Variants in CTNNA3 observed in about 807,000 individuals in gnomAD.
CTNNA3 encodes catenin alpha-3.
In CTNNA3, 76 loss-of-function variants were observed where a neutral mutation model predicts 95.7. The ratio of observed to expected loss-of-function variants is 0.79; its 90% CI spans 0.66 to 0.96. CTNNA3 has a LOEUF of 0.96. Ranked by LOEUF, CTNNA3 falls within the 40% of genes least tolerant of loss-of-function variation. The pLI, the probability that CTNNA3 is intolerant of heterozygous loss-of-function variation, is 0.00. For synonymous variants in CTNNA3, 431 were observed against 374.4 expected (o/e 1.15, Z -1.74); for missense variants, 1,191 against 1,089.8 (o/e 1.09, Z -1.31).
At chr10:66,143,157 C>G (rs1177352692) in intron 13 of CTNNA3, among the ~76,000 whole-genome samples, 1 of 151,910 alleles carries the variant, frequency 6.6e-6, no homozygotes, top group African/African-American at 2.4e-5. Flanking sequence ...AACCATTTGA[C>G]AGAAATTGGC....
intron 2 of CTNNA3, among the ~76,000 whole-genome samples, chr10:67,626,049 G>A (rs59707979): frequency 0.13 from 20,137 of 151,884 alleles, 2,399 homozygotes; most frequent in African/African-American, 0.32. Flanking sequence ...AGGTGTGGTG[G>A]CATGCATCTG....
intron 12 of CTNNA3, among the ~76,000 whole-genome samples, chr10:66,361,454 CTTT>C (rs1038431803): frequency 2.1e-4 from 30 of 144,352 alleles, no homozygotes; most frequent in Non-Finnish European, 3.6e-4. Context: ...TTCTCTCTTT[CTTT>C]ATCTTTCTCT....
At chr10:67,389,435 G>A (rs1844353418) in intron 5 of CTNNA3, among the ~76,000 whole-genome samples, 3 of 151,658 alleles carry the variant, frequency 2.0e-5, no homozygotes, top group Non-Finnish European at 4.4e-5. Flanking sequence ...CCTACAAAGA[G>A]ACTTAGACTC....
intron 1 of CTNNA3, among the ~76,000 whole-genome samples, chr10:67,713,552 A>G (rs562156151): frequency 1.3e-5 from 2 of 152,350 alleles, no homozygotes; most frequent in Admixed American, 6.5e-5. Context: ...CATCAATGAT[A>G]GACTGGATAA....
intron 9 of CTNNA3, among the ~76,000 whole-genome samples, chr10:66,658,483 A>T (rs1006528749): frequency 1.6e-4 from 25 of 152,202 alleles, no homozygotes; most frequent in Non-Finnish European, 3.7e-4. Context: ...CAGTGGGGGA[A>T]TTATTCTGCC....
chr10:67,757,102 G>T (rs761171701), intron 1 of CTNNA3, among the ~76,000 whole-genome samples: 2 of 152,202 alleles, frequency 1.3e-5, no homozygotes, highest in Non-Finnish European at 2.9e-5. Flanking sequence ...CAGCCTGCTG[G>T]ATAAACAGAA....
chr10:65,968,589 C>A (rs541921147), intron 16 of CTNNA3, among the ~76,000 whole-genome samples: 15 of 152,184 alleles, frequency 9.9e-5, no homozygotes, highest in African/African-American at 3.1e-4. Flanking sequence ...GTAGCAGGCC[C>A]TCTCCACTCC....
In CTNNA3 at chr10:67,641,031, C is replaced by T. The variant is rs533499619; in HGVS notation, c.99+6384G>A. On this transcript the variant is annotated intron_variant, in intron 2 of 17. Transcript: ENST00000433211. ...GGATCTAATTAAACTAAAGAGCTTC[C>T]GCACAGCAAAAGAAACTACCATCAG... Among the ~76,000 whole-genome samples, 152 of 152,050 alleles carry T rather than the reference C, an allele frequency of 1.0e-3. 1 individual carries two copies. Among genetic ancestry groups the T allele is most frequent in the South Asian group, 2.5e-3 (12 of 4,816 alleles).
intron 15 of CTNNA3, among the ~76,000 whole-genome samples, chr10:66,050,352 G>A (rs1337839407): frequency 6.7e-6 from 1 of 149,488 alleles, no homozygotes; most frequent in African/African-American, 2.5e-5. Context: ...AAAAAAAATA[G>A]CACCAATATT....
intron 11 of CTNNA3, among the ~76,000 whole-genome samples, chr10:66,382,785 T>A (rs937883181): frequency 2.0e-5 from 3 of 152,134 alleles, no homozygotes; most frequent in African/African-American, 7.2e-5. Context: ...CTGCTGGTGA[T>A]ACCCAGGCAA....
At chr10:66,977,352 C>T (rs10997463) in intron 7 of CTNNA3, among the ~76,000 whole-genome samples, 34,559 of 151,678 alleles carry the variant, frequency 0.23, 4,457 homozygotes, top group Middle Eastern at 0.3. Flanking sequence ...AGGAGGATTG[C>T]TTGAACCTGG....
intron 11 of CTNNA3, among the ~76,000 whole-genome samples, chr10:66,417,458 T>C (rs972740817): frequency 6.6e-6 from 1 of 152,040 alleles, no homozygotes; most frequent in African/African-American, 2.4e-5. Context: ...TTCTCAGCAC[T>C]AGACAGATCG....
chr10:66,739,014 G>A (rs1182523855), intron 9 of CTNNA3, among the ~76,000 whole-genome samples: 1 of 152,114 alleles, frequency 6.6e-6, no homozygotes, highest in Non-Finnish European at 1.5e-5. Context: ...GGATGTGGAG[G>A]AGGATACAAA....
rs1000438158 is a variant in CTNNA3, at chr10:66,802,064, C to T, written c.1048-26540G>A. Among the ~76,000 whole-genome samples, 63 of 151,660 alleles carry T rather than the reference C, an allele frequency of 4.2e-4. No homozygotes were observed. In the Middle Eastern group the frequency reaches 0.01, roughly 25 times the overall value. ...CATATTTTTTAAATGAACCTCAGTC[C>T]CTTTTTAATACCACAAACAAAAATT... On this transcript the variant is annotated intron_variant, in intron 7 of 17. Coordinates refer to ENST00000433211, the MANE Select transcript of CTNNA3 (RefSeq NM_013266.4).
chr10:67,116,908 T>C (rs1859219319), intron 7 of CTNNA3, among the ~76,000 whole-genome samples: 1 of 151,840 alleles, frequency 6.6e-6, no homozygotes, highest in East Asian at 1.9e-4. Flanking sequence ...CTTCTAGATT[T>C]ATTCATGCAT....
intron 10 of CTNNA3, among the ~76,000 whole-genome samples, chr10:66,535,875 T>G (rs1841634481): frequency 6.6e-6 from 1 of 152,222 alleles, no homozygotes; most frequent in African/African-American, 2.4e-5. Context: ...AGTCTCAAAT[T>G]TATGGCTTGA....
At chr10:67,011,398 T>A (rs955891328) in intron 7 of CTNNA3, among the ~76,000 whole-genome samples, 17 of 148,290 alleles carry the variant, frequency 1.1e-4, no homozygotes, top group Non-Finnish European at 1.0e-4. Flanking sequence ...TTCAGAAGGT[T>A]ACAAATTCAG....
intron 7 of CTNNA3, among the ~76,000 whole-genome samples, chr10:66,970,085 A>G (rs895412086): frequency 2.0e-5 from 3 of 152,094 alleles, no homozygotes; most frequent in South Asian, 2.1e-4. Flanking sequence ...CTGCAAAATC[A>G]CTGTAACTTG....
chr10:66,154,830 A>G (rs930223446), intron 13 of CTNNA3, among the ~76,000 whole-genome samples: 1 of 149,662 alleles, frequency 6.7e-6, no homozygotes, highest in African/African-American at 2.5e-5. Context: ...TAACAAGATG[A>G]CCTGTTTAAG....
Sources: gnomAD v4.1 joint callset for allele counts (sites outside exome capture counted in the v4.1 genomes callset) on GRCh38, gnomAD v4.1.1 for gene constraint, MANE v1.5 for transcripts, NCBI Gene and HGNC (gene_info 2026-07-23, HGNC 2026-07-21) for gene names.